The following CCSAP variants were observed in gnomAD, a reference collection of about 807,000 sequenced individuals.
CCSAP encodes centriole, cilia and spindle associated protein.
CCSAP carries 17 observed loss-of-function variants against 25.9 expected under a neutral mutation model. That is an observed-to-expected ratio of 0.66 (90% CI 0.45 to 0.99). The LOEUF (loss-of-function observed/expected upper bound fraction) is 0.99. CCSAP is among the 50% of genes least tolerant of loss of function. The probability of loss-of-function intolerance (pLI) is 0.00; values close to 1 mark genes in which losing one functional copy is unlikely to be tolerated. For synonymous variants in CCSAP, 169 were observed against 157.1 expected (o/e 1.08, Z -0.57); for missense variants, 339 against 367.8 (o/e 0.92, Z 0.64).
intron 2 of CCSAP, among the ~76,000 whole-genome samples, chr1:229,336,031 GA>G (rs1234874410): frequency 6.6e-6 from 1 of 151,496 alleles, no homozygotes; most frequent in Non-Finnish European, 1.5e-5. Flanking sequence ...AAGTAATCTA[GA>G]GATGATTTAA....
intron 2 of CCSAP, among the ~76,000 whole-genome samples, chr1:229,337,678 A>AATATATATATATATAT (rs60399703): frequency 1.5e-5 from 1 of 65,506 alleles, no homozygotes; most frequent in African/African-American, 6.0e-5. Context: ...CTCAAAAAAA[A>AATATATATATATATAT]ATATATATAT....
chr1:229,340,567 C>T (rs546817801), intron 2 of CCSAP: 2 of 623,740 alleles, frequency 3.2e-6, no homozygotes, highest in East Asian at 2.8e-5. Context: ...AGATCAGTAC[C>T]CACAGGAATA....
intron 2 of CCSAP, among the ~76,000 whole-genome samples, chr1:229,332,611 G>A (rs751143444): frequency 1.3e-5 from 2 of 152,102 alleles, no homozygotes; most frequent in Non-Finnish European, 2.9e-5. Flanking sequence ...CCCTTTCTTA[G>A]TAATTGGCAG....
chr1:229,327,064 A>T (rs1657957367), intron 2 of CCSAP, 58 bp from the exon 3 acceptor site: 2 of 1,368,834 alleles, frequency 1.5e-6, no homozygotes, highest in South Asian at 3.1e-5. Context: ...ATATATAATT[A>T]AAATATTTAT....
chr1:229,333,381 C>G (rs535658202), intron 2 of CCSAP, among the ~76,000 whole-genome samples: 1 of 139,210 alleles, frequency 7.2e-6, no homozygotes, highest in Non-Finnish European at 1.5e-5. Context: ...TGCAGTGAGC[C>G]GAGATCGCGC....
Position 229,342,508 on chromosome 1 carries a change from C to A in CCSAP, c.-43G>T. On this transcript the variant is annotated 5_prime_UTR_variant, in exon 2 of 4. Coordinates refer to ENST00000284617, the MANE Select transcript of CCSAP (RefSeq NM_145257.5). The surrounding 1 kb of genome is among the most constrained non-coding windows in gnomAD (Gnocchi z 7.5). ...CGAGCGCCAGCCGCTCCTCGCTGCC[C>A]GCAGCCTACGGGACCCGGTACACGA... 1 of 1,279,752 alleles carries A rather than the reference C, an allele frequency of 7.8e-7. No individual in the cohort carries two copies. Among genetic ancestry groups the A allele is most frequent in the East Asian group, 3.0e-5 (1 of 33,746 alleles). The allele number at this position is 1,279,752 out of a possible 1,614,324, so 79.3% of individuals were successfully genotyped here.
intron 2 of CCSAP, among the ~76,000 whole-genome samples, chr1:229,330,772 G>A (rs1022307761): frequency 2.6e-5 from 4 of 151,442 alleles, no homozygotes; most frequent in Admixed American, 2.6e-4. Flanking sequence ...GTGAACCCGG[G>A]AGGCGGAGCT....
chr1:229,338,685 A>G (rs553052343), intron 2 of CCSAP, among the ~76,000 whole-genome samples: 3 of 152,316 alleles, frequency 2.0e-5, no homozygotes, highest in African/African-American at 4.8e-5. Context: ...ATTACCAGCA[A>G]AAAGAAACAA....
At chr1:229,337,679 ATATAT>A (rs1658224158) in intron 2 of CCSAP, among the ~76,000 whole-genome samples, 1 of 36,616 alleles carries the variant, frequency 2.7e-5, no homozygotes, top group South Asian at 7.5e-4. Flanking sequence ...TCAAAAAAAA[ATATAT>A]ATATATATAT....
chr1:229,335,260 A>G (rs1028108836), intron 2 of CCSAP, among the ~76,000 whole-genome samples: 4 of 152,186 alleles, frequency 2.6e-5, no homozygotes, highest in African/African-American at 9.7e-5. Flanking sequence ...TCAATGCTAC[A>G]GAGAGCTTAG....
Position 229,342,506 on chromosome 1 carries a change from C to A in CCSAP, c.-41G>T. ...CTCGAGCGCCAGCCGCTCCTCGCTG[C>A]CCGCAGCCTACGGGACCCGGTACAC... is the stretch of plus-strand genomic sequence containing the variant. On this transcript the variant is annotated 5_prime_UTR_variant, in exon 2 of 4. Coordinates refer to ENST00000284617, the MANE Select transcript of CCSAP (RefSeq NM_145257.5). This position sits in a 1 kb window ranked among gnomAD's most constrained non-coding sequence, Gnocchi z 7.5. 3.1e-6 allele frequency: 4 copies of A among 1,292,382 alleles called. No individual in the cohort carries two copies. Among genetic ancestry groups the A allele is most frequent in the Non-Finnish European group, 4.0e-6 (4 of 1,009,842 alleles). 80.1% of individuals were successfully genotyped at this position (1,292,382 alleles called of 1,614,324 possible).
chr1:229,335,197 T>C (rs1379199922), intron 2 of CCSAP, among the ~76,000 whole-genome samples: 2 of 152,104 alleles, frequency 1.3e-5, no homozygotes, highest in African/African-American at 4.8e-5. Context: ...CGCACACCTG[T>C]GGTCCCAGCT....
In CCSAP at chr1:229,342,502, G is replaced by T. The variant is rs1393421172; in HGVS notation, c.-37C>A. 3 of 1,294,982 alleles carry T rather than the reference G, an allele frequency of 2.3e-6. No homozygotes were observed. Among genetic ancestry groups the T allele is most frequent in the Non-Finnish European group, 3.0e-6 (3 of 1,011,940 alleles). The allele number at this position is 1,294,982 out of a possible 1,614,324, so 80.2% of individuals were successfully genotyped here. On this transcript the variant is annotated 5_prime_UTR_variant, in exon 2 of 4. Coordinates refer to ENST00000284617, the MANE Select transcript of CCSAP (RefSeq NM_145257.5). The surrounding 1 kb of genome is among the most constrained non-coding windows in gnomAD (Gnocchi z 7.5). ...CCGCCTCGAGCGCCAGCCGCTCCTCGCTGCCCGCAGCCTACGGGACCCGGT... is the reference window on the plus strand; with the variant it reads ...CCGCCTCGAGCGCCAGCCGCTCCTCTCTGCCCGCAGCCTACGGGACCCGGT...
chr1:229,340,778 T>A (rs1658311949), intron 2 of CCSAP: 1 of 249,590 alleles, frequency 4.0e-6, no homozygotes, highest in Non-Finnish European at 7.6e-6. Context: ...CGAAATTTCA[T>A]CTCCTCCTCA....
At chr1:229,328,555 C>A (rs1370377129) in intron 2 of CCSAP, among the ~76,000 whole-genome samples, 1 of 152,202 alleles carries the variant, frequency 6.6e-6, no homozygotes, top group Non-Finnish European at 1.5e-5. Context: ...AATCCTCCTG[C>A]CTCGGCCTCC....
intron 2 of CCSAP, among the ~76,000 whole-genome samples, chr1:229,331,785 C>CTTT (rs199929284): frequency 0.042 from 4,687 of 111,496 alleles, 100 homozygotes; most frequent in East Asian, 0.1. Flanking sequence ...TTCTAATATC[C>CTTT]TTTTATTATT....
In CCSAP at chr1:229,339,095, GAA is replaced by G. The variant is rs11328051; in HGVS notation, c.367+3002_367+3003del. ...AGGACTTCAGAAAAAAAAGAAATGG[GAA>G]AAAAAAAAAAAACAGAAATAAGAAA... is the stretch of plus-strand genomic sequence containing the variant. On this transcript the variant is annotated intron_variant, in intron 2 of 3. Transcript: ENST00000284617. Among the ~76,000 whole-genome samples the G allele has an allele frequency of 1.9e-3, 251 of 134,740 alleles. 1 individual carries two copies. The highest frequency in any genetic ancestry group is 0.011 in the Middle Eastern group (3 of 274). 88.4% of individuals were successfully genotyped at this position (134,740 alleles called of 152,430 possible).
chr1:229,337,451 T>C (rs1490483317), intron 2 of CCSAP, among the ~76,000 whole-genome samples: 5 of 151,422 alleles, frequency 3.3e-5, no homozygotes, highest in Non-Finnish European at 5.9e-5. Flanking sequence ...CATTTTCAGA[T>C]ATGCAAGGTT....
At chr1:229,337,706 C>T (rs7414474) in intron 2 of CCSAP, among the ~76,000 whole-genome samples, 2,259 of 87,638 alleles carry the variant, frequency 0.026, 87 homozygotes, top group Non-Finnish European at 0.036. Context: ...TATACACATA[C>T]ATATATATAT....
Sources: allele counts gnomAD v4.1 joint callset (sites outside exome capture counted in the v4.1 genomes callset), GRCh38; gene constraint gnomAD v4.1.1; non-coding constraint Gnocchi (gnomAD v3.1); transcripts MANE v1.5; gene names NCBI Gene and HGNC (gene_info 2026-07-23, HGNC 2026-07-21).